CCDC180: variants seen among roughly 807,000 people sequenced by gnomAD.
CCDC180 encodes the protein coiled-coil domain containing 180.
A neutral mutation model predicts 209.2 loss-of-function variants in CCDC180; 154 were observed. That is an observed-to-expected ratio of 0.74 (90% confidence interval 0.65 to 0.84). The LOEUF is 0.84. Ranked by LOEUF, CCDC180 falls within the 40% of genes least tolerant of loss-of-function variation. The probability of loss-of-function intolerance (pLI) is 0.00; values close to 1 mark genes in which losing one functional copy is unlikely to be tolerated. For synonymous variants in CCDC180, 778 were observed against 749.1 expected, an observed-to-expected ratio of 1.04 and a Z score of -0.63; for missense variants, 1,874 against 1,997.3, an observed-to-expected ratio of 0.94 and a Z score of 1.18.
chr9:97,356,518 A>G (rs1252429028), intron 24 of CCDC180, among the ~76,000 whole-genome samples: 2 of 152,218 alleles, frequency 1.3e-5, no homozygotes, highest in Non-Finnish European at 2.9e-5. Context: ...TCCTCAGTAA[A>G]GGCAGGCTCT....
chr9:97,375,365 G>C, intron 35 of CCDC180, 89 bp from the exon 36 acceptor site: 1 of 1,534,434 alleles, frequency 6.5e-7, no homozygotes, highest in South Asian at 1.2e-5. Flanking sequence ...TTTTTTCAAA[G>C]AAATGCTAAG....
intron 22 of CCDC180, among the ~76,000 whole-genome samples, chr9:97,351,480 C>G (rs1334444311): frequency 1.3e-5 from 2 of 152,052 alleles, no homozygotes; most frequent in Non-Finnish European, 2.9e-5. Context: ...CAATCTTAAT[C>G]CTGGATGAAA....
Position 97,307,669 on chromosome 9 carries a change from A to G in CCDC180, c.-219A>G. On this transcript the variant is annotated 5_prime_UTR_variant, in exon 1 of 37. Coordinates refer to ENST00000529487, the MANE Select transcript of CCDC180 (RefSeq NM_020893.6). Reference sequence around the variant, plus strand: ...CCCAACCGACACCTTGAGCGCCGTTAACTTTTCCCCGAAGAGCATGGCAGA... The same window carrying G: ...CCCAACCGACACCTTGAGCGCCGTTGACTTTTCCCCGAAGAGCATGGCAGA... 6.6e-7 allele frequency: 1 copy of G among 1,516,092 alleles called. No homozygotes were observed. The highest frequency in any genetic ancestry group is 9.1e-7 in the Non-Finnish European group (1 of 1,095,314). The allele number at this position is 1,516,092 out of a possible 1,614,324, so 93.9% of individuals were successfully genotyped here. A position where few individuals can be genotyped will look rare whatever the true frequency, so the allele number is the denominator to read the frequency against.
rs34335877 is a variant in CCDC180, at chr9:97,343,627, T to TAA, written c.2498+76_2498+77dup. On this transcript the variant is annotated intron_variant, in intron 19 of 36. Transcript: ENST00000529487. ...GAGTTTTGTAAACAAGGTGAAATAT[T>TAA]AAAAAAAAAAAAAGGATTGGGCTGG... is the stretch of plus-strand genomic sequence containing the variant. The TAA allele has an allele frequency of 1.3e-3, 1,253 of 934,838 alleles. 1 individual carries two copies. Among genetic ancestry groups the TAA allele is most frequent in the African/African-American group, 9.1e-3 (507 of 55,540 alleles). 57.9% of individuals were successfully genotyped at this position (934,838 alleles called of 1,614,324 possible).
chr9:97,340,891 C>T (rs1220369709), intron 18 of CCDC180, among the ~76,000 whole-genome samples: 5 of 152,178 alleles, frequency 3.3e-5, no homozygotes, highest in African/African-American at 4.8e-5. Context: ...CACAGTTATC[C>T]GGAGGCCTAA....
At chr9:97,341,165 A>T (rs1032015493) in intron 18 of CCDC180, among the ~76,000 whole-genome samples, 11 of 151,868 alleles carry the variant, frequency 7.2e-5, no homozygotes, top group Non-Finnish European at 1.3e-4. Flanking sequence ...GATGACTCAC[A>T]CTCTTTACCC....
chr9:97,361,523 G>A (rs527918390), intron 26 of CCDC180, among the ~76,000 whole-genome samples: 10 of 152,170 alleles, frequency 6.6e-5, no homozygotes, highest in Non-Finnish European at 1.5e-4. Context: ...ATTTCTAAAG[G>A]CATGAATAAA....
At chr9:97,316,967 C>T in intron 8 of CCDC180, 98 bp from the exon 9 acceptor site, 1 of 1,238,606 alleles carries the variant, frequency 8.1e-7, no homozygotes, top group South Asian at 1.6e-5. Flanking sequence ...CCCTGCACCT[C>T]CCCTCTCCAG....
In CCDC180 at chr9:97,308,134, TA is replaced by T. The variant is rs1832858350; in HGVS notation, c.69+3del. Reference sequence around the variant, plus strand: ...TACCAGCAGATCTTCCAGGCTGAGGTAGGAGCCGCCCTCTGTCCCGCTTTTC... The same window carrying T: ...TACCAGCAGATCTTCCAGGCTGAGGTGGAGCCGCCCTCTGTCCCGCTTTTC... On this transcript the variant is annotated splice_donor_region_variant and intron_variant, in intron 2 of 36. Coordinates refer to ENST00000529487, the MANE Select transcript of CCDC180 (RefSeq NM_020893.6). 1 of 1,597,180 alleles carries T rather than the reference TA, an allele frequency of 6.3e-7. No individual in the cohort carries two copies. Among genetic ancestry groups the T allele is most frequent in the African/African-American group, 1.3e-5 (1 of 74,468 alleles).
rs780704072 is a variant in CCDC180 at position 97,314,482 on chromosome 9, G to A, written c.549G>A (p.Lys183=). 1.2e-6 allele frequency: 2 copies of A among 1,614,140 alleles called. No homozygotes were observed. The highest frequency in any genetic ancestry group is 2.2e-5 in the South Asian group (2 of 91,074). Residue 183 remains lysine, a synonymous_variant, in exon 6 of 37, where the codon AAG becomes AAA. Transcript: ENST00000529487. ...SDEEMNRLFL[K]VENDTNLEDY... is the part of the protein sequence containing the mutation. ...AAGAAATGAACCGTCTCTTCCTAAA[G>A]GTGGAAAATGACACCAACCTTGAGG...
rs552372073 is a variant in CCDC180, at chr9:97,366,891, G to T, written c.4189+191G>T. 3.3e-5 allele frequency among the ~76,000 whole-genome samples: 5 copies of T among 152,294 alleles called. No homozygotes were observed. The East Asian group carries it at 9.6e-4, about 29-fold the overall frequency. ...TTACTGGGGAAATGCGACCATGCAA[G>T]AAAAAAGTTCACTTTTCTTGAGAAA... On this transcript the variant is annotated intron_variant, in intron 31 of 36. Coordinates refer to ENST00000529487, the MANE Select transcript of CCDC180 (RefSeq NM_020893.6). This position sits in a 1 kb window ranked among gnomAD's most constrained non-coding sequence, Gnocchi z 4.3.
chr9:97,311,990 G>T (rs1242327179), intron 3 of CCDC180, 123 bp from the exon 4 acceptor site: 2 of 793,166 alleles, frequency 2.5e-6, no homozygotes, highest in East Asian at 2.5e-5. Flanking sequence ...ATTGGGGTGT[G>T]CCTGGTCCAT....
chr9:97,367,171 T>C (rs902628738), intron 31 of CCDC180, among the ~76,000 whole-genome samples: 3 of 152,162 alleles, frequency 2.0e-5, no homozygotes, highest in Non-Finnish European at 2.9e-5. Flanking sequence ...TTCATGAGAA[T>C]AGAATTGTAT....
intron 18 of CCDC180, among the ~76,000 whole-genome samples, chr9:97,333,708 GT>G (rs964648811): frequency 4.0e-5 from 6 of 149,706 alleles, no homozygotes; most frequent in Non-Finnish European, 8.9e-5. Flanking sequence ...GGCTGTTGGA[GT>G]TTTTTTTTGT....
At chr9:97,314,824 C>G in intron 7 of CCDC180, 27 bp from the exon 8 acceptor site, 1 of 1,606,636 alleles carries the variant, frequency 6.2e-7, no homozygotes, top group African/African-American at 1.3e-5. Context: ...AAGTGAGCCA[C>G]TAAGTATGGT....
At position 97,365,676 on chromosome 9, in the gene CCDC180, T is replaced by C. The variant is rs1441592994; in HGVS notation, c.3984T>C (p.Asp1328=). Residue 1328 remains aspartate, a synonymous_variant, in exon 30 of 37, where the codon GAT becomes GAC. Transcript: ENST00000529487. The part of the protein sequence containing the change: ...LGDKPPPAAE[D]FKGIILTLLW... ...ATCTGTCTCGTGTGTGTTGCAGGGATTTTAAGGGGATCATCTTGACCCTCC... is the reference window on the plus strand; with the variant it reads ...ATCTGTCTCGTGTGTGTTGCAGGGACTTTAAGGGGATCATCTTGACCCTCC... The C allele has an allele frequency of 6.2e-7, 1 of 1,613,976 alleles. No individual in the cohort carries two copies. The highest frequency in any genetic ancestry group is 1.1e-5 in the South Asian group (1 of 91,080).
chr9:97,326,590 C>A lies in CCDC180; in HGVS notation c.1582C>A (p.Leu528Met). 3.1e-6 allele frequency: 5 copies of A among 1,613,834 alleles called. No individual in the cohort carries two copies. Among genetic ancestry groups the A allele is most frequent in the Non-Finnish European group, 4.2e-6 (5 of 1,179,776 alleles). ...EAHLDRLLDQ[L>M]RQQSDKETLA... ...CCACCTCGATAGGCTCTTGGACCAA[C>A]TGAGGCAGCAAAGTGACAAAGAAAC... Residue 528 changes from leucine (L) to methionine (M), a missense_variant, in exon 15 of 37, where the codon CTG (leucine) becomes ATG (methionine). Transcript: ENST00000529487.
intron 18 of CCDC180, among the ~76,000 whole-genome samples, chr9:97,341,963 G>T (rs1826095363): frequency 6.6e-6 from 1 of 152,208 alleles, no homozygotes; most frequent in Non-Finnish European, 1.5e-5. Flanking sequence ...GGCTCTGTGG[G>T]CATGGGACCT....
chr9:97,317,313 C>G (rs911566636), intron 9 of CCDC180, 85 bp downstream of exon 9: 3 of 1,263,112 alleles, frequency 2.4e-6, no homozygotes, highest in Non-Finnish European at 3.1e-6. Context: ...CACTTTTTGC[C>G]ATTACTTAAA....
Sources: gnomAD v4.1 joint callset for allele counts (sites outside exome capture counted in the v4.1 genomes callset) on GRCh38, gnomAD v4.1.1 for gene constraint, Gnocchi (gnomAD v3.1) non-coding constraint, MANE v1.5 for transcripts, NCBI Gene and HGNC (gene_info 2026-07-23, HGNC 2026-07-21) for gene names.